Variants in ESCO1 observed in about 807,000 individuals in gnomAD.
ESCO1 encodes the protein N-acetyltransferase ESCO1.
A neutral mutation model predicts 83.5 loss-of-function variants in ESCO1; 33 were observed. The observed-to-expected ratio is 0.40, with a 90% CI of 0.30 to 0.53. The LOEUF is 0.53. Among genes scored for constraint, ESCO1 ranks in the 20% least tolerant of loss-of-function variants. The pLI, the probability that ESCO1 is intolerant of heterozygous loss-of-function variation, is 0.63. For synonymous variants in ESCO1, 332 were observed against 324.3 expected (o/e 1.02, Z -0.25); for missense variants, 855 against 968.0 (o/e 0.88, Z 1.55).
At chr18:21,545,753 AC>A in intron 8 of ESCO1, among the ~76,000 whole-genome samples, 1 of 151,890 alleles carries the variant, frequency 6.6e-6, no homozygotes, top group Admixed American at 6.6e-5. Flanking sequence ...ACATGGCGAA[AC>A]CCCATGTCTA....
intron 10 of ESCO1, among the ~76,000 whole-genome samples, 168 bp downstream of exon 10, chr18:21,535,874 T>G (rs1368091815): frequency 6.6e-6 from 1 of 152,242 alleles, no homozygotes; most frequent in Non-Finnish European, 1.5e-5. Context: ...CTAATTCCCA[T>G]GCATAACCAT....
chr18:21,550,633 C>CTTTTTTTT (rs2038033150), intron 8 of ESCO1, among the ~76,000 whole-genome samples: 1 of 152,152 alleles, frequency 6.6e-6, no homozygotes, highest in African/African-American at 2.4e-5. Flanking sequence ...TTGCTTATGA[C>CTTTTTTTT]TTTAAAAGAC....
chr18:21,553,877 A>C (rs2038078811), intron 8 of ESCO1, among the ~76,000 whole-genome samples: 1 of 151,038 alleles, frequency 6.6e-6, no homozygotes, highest in Non-Finnish European at 1.5e-5. Context: ...AAAAAAAAAA[A>C]CACAAACACA....
intron 2 of ESCO1, among the ~76,000 whole-genome samples, chr18:21,577,252 G>C (rs1251425105): frequency 6.6e-6 from 1 of 150,862 alleles, no homozygotes. Flanking sequence ...AGCTGCTCAG[G>C]AGGCTGAGGC....
intron 2 of ESCO1, among the ~76,000 whole-genome samples, chr18:21,582,875 T>A (rs912315304): frequency 2.0e-5 from 3 of 152,214 alleles, no homozygotes; most frequent in African/African-American, 7.2e-5. Flanking sequence ...CCTATCAAAA[T>A]TTTAAGTGCT....
At chr18:21,530,602 C>CTT (rs1207492838) in intron 11 of ESCO1, 112 bp from the exon 12 acceptor site, 17 of 1,035,208 alleles carry the variant, frequency 1.6e-5, no homozygotes, top group Non-Finnish European at 2.1e-5. Context: ...ACTAAAAAAG[C>CTT]TTTTTAGATA....
intron 10 of ESCO1, among the ~76,000 whole-genome samples, chr18:21,535,574 G>T (rs2037826218): frequency 6.6e-6 from 1 of 152,082 alleles, no homozygotes; most frequent in Non-Finnish European, 1.5e-5. Flanking sequence ...AGTAGAGAAA[G>T]GGTTTCACCG....
At chr18:21,585,054 C>G (rs540930596) in intron 1 of ESCO1, among the ~76,000 whole-genome samples, 4 of 149,822 alleles carry the variant, frequency 2.7e-5, no homozygotes, top group East Asian at 2.0e-4. Flanking sequence ...AGGCAGAGAA[C>G]TGCTTGAACC....
At chr18:21,594,393 GTCTTC>G (rs2038729621) in intron 1 of ESCO1, among the ~76,000 whole-genome samples, 1 of 152,160 alleles carries the variant, frequency 6.6e-6, no homozygotes, top group Non-Finnish European at 1.5e-5. Flanking sequence ...TCTGTAAACA[GTCTTC>G]TCTTATTTCT....
At chr18:21,562,911 G>T (rs1254877098) in intron 7 of ESCO1, among the ~76,000 whole-genome samples, 1 of 144,280 alleles carries the variant, frequency 6.9e-6, no homozygotes, top group South Asian at 2.2e-4. Context: ...CGCTCTTGTT[G>T]TCCAGGCTGG....
intron 1 of ESCO1, among the ~76,000 whole-genome samples, chr18:21,598,164 A>C (rs1246391967): frequency 6.6e-6 from 1 of 152,212 alleles, no homozygotes; most frequent in East Asian, 1.9e-4. Context: ...AAAATCTGCC[A>C]ATAAAAGTCA....
intron 2 of ESCO1, among the ~76,000 whole-genome samples, chr18:21,576,723 T>C (rs1319517828): frequency 1.3e-5 from 2 of 151,948 alleles, no homozygotes; most frequent in South Asian, 2.1e-4. Context: ...TCAGACTCCA[T>C]AGAGATGCGG....
At chr18:21,563,785 T>C (rs938286758) in intron 7 of ESCO1, among the ~76,000 whole-genome samples, 1 of 152,162 alleles carries the variant, frequency 6.6e-6, no homozygotes, top group Non-Finnish European at 1.5e-5. Flanking sequence ...CCACCAAAAT[T>C]TATGGGGAAA....
At chr18:21,548,565 C>T (rs1352011044) in intron 8 of ESCO1, among the ~76,000 whole-genome samples, 2 of 151,814 alleles carry the variant, frequency 1.3e-5, no homozygotes, top group Non-Finnish European at 2.9e-5. Flanking sequence ...TTTGGGAGGC[C>T]GAGGTGAGAG....
chr18:21,589,140 G>A (rs1296908794), intron 1 of ESCO1, among the ~76,000 whole-genome samples: 1 of 151,882 alleles, frequency 6.6e-6, no homozygotes, highest in Non-Finnish European at 1.5e-5. Context: ...TCAGGAGGCT[G>A]GGGCAGGAGA....
rs201298737 is a variant in ESCO1, at chr18:21,558,144, C to T, written c.1953+2715G>A. 8.6e-4 allele frequency among the ~76,000 whole-genome samples: 131 copies of T among 151,964 alleles called. 1 individual carries two copies. The Middle Eastern group carries it at 0.014, about 16-fold the overall frequency. ...GGGACTACAGGCGCATGCCACCACG[C>T]CCAGCTAACTTTTTTTGTACAGATG... On this transcript the variant is annotated intron_variant, in intron 8 of 11. Coordinates refer to ENST00000269214, the MANE Select transcript of ESCO1 (RefSeq NM_052911.3).
intron 2 of ESCO1, among the ~76,000 whole-genome samples, chr18:21,581,742 T>TAC (rs1259581270): frequency 6.6e-6 from 1 of 152,126 alleles, no homozygotes; most frequent in African/African-American, 2.4e-5. Context: ...CAATTGCTGC[T>TAC]AGCTGGGCAC....
At chr18:21,598,698 T>C (rs1016729107) in intron 1 of ESCO1, among the ~76,000 whole-genome samples, 4 of 149,888 alleles carry the variant, frequency 2.7e-5, no homozygotes, top group African/African-American at 4.9e-5. Flanking sequence ...TGAGACTCCA[T>C]CTCAAAAAAA....
chr18:21,583,169 G>A (rs957370585), intron 2 of ESCO1, among the ~76,000 whole-genome samples: 12 of 151,992 alleles, frequency 7.9e-5, no homozygotes, highest in South Asian at 4.1e-4. Context: ...GTGACAGAGC[G>A]AGACTCTGTC....
Sources: allele counts gnomAD v4.1 joint callset (sites outside exome capture counted in the v4.1 genomes callset), GRCh38; gene constraint gnomAD v4.1.1; transcripts MANE v1.5; gene names NCBI Gene and HGNC (gene_info 2026-07-23, HGNC 2026-07-21).